The following SULF1 variants were observed in gnomAD, a reference collection of about 807,000 sequenced individuals.
The protein encoded by SULF1 is sulfatase 1.
A neutral mutation model predicts 110.5 loss-of-function variants in SULF1; 46 were observed. That is an observed-to-expected ratio of 0.42 (90% CI 0.33 to 0.53). The LOEUF is 0.53. Ranked by LOEUF, SULF1 falls within the 20% of genes least tolerant of loss-of-function variation. The pLI is 0.12. For synonymous variants in SULF1, 371 were observed against 387.1 expected (o/e 0.96, Z 0.49); for missense variants, 941 against 1,094.2 (o/e 0.86, Z 1.98).
At chr8:69,628,290 G>C in intron 18 of SULF1, 54 bp downstream of exon 18, 1 of 1,500,566 alleles carries the variant, frequency 6.7e-7, no homozygotes, top group African/African-American at 1.4e-5. Context: ...TGTCCACCTG[G>C]CCCTTCGAAG....
At chr8:69,520,643 G>T (rs887011262) in intron 3 of SULF1, among the ~76,000 whole-genome samples, 3 of 152,126 alleles carry the variant, frequency 2.0e-5, no homozygotes, top group Non-Finnish European at 4.4e-5. Flanking sequence ...ATTTCACTGT[G>T]TTTTTTTCCA....
chr8:69,580,222 G>A (rs574267061), intron 6 of SULF1, among the ~76,000 whole-genome samples: 2 of 152,258 alleles, frequency 1.3e-5, no homozygotes, highest in African/African-American at 4.8e-5. Flanking sequence ...GCAGTAACAT[G>A]TCGACTGCAC....
At chr8:69,589,543 G>A (rs1165067368) in intron 8 of SULF1, among the ~76,000 whole-genome samples, 1 of 152,230 alleles carries the variant, frequency 6.6e-6, no homozygotes, top group Admixed American at 6.5e-5. Flanking sequence ...TAGAAACATG[G>A]ATTTATTTTC....
intron 19 of SULF1, among the ~76,000 whole-genome samples, chr8:69,633,527 C>T (rs557310401): frequency 6.6e-6 from 1 of 151,754 alleles, no homozygotes; most frequent in African/African-American, 2.4e-5. Context: ...GACAGGGTTT[C>T]CCCATGTTGG....
chr8:69,532,695 T>G (rs1813169603), intron 3 of SULF1, among the ~76,000 whole-genome samples: 2 of 152,230 alleles, frequency 1.3e-5, no homozygotes, highest in African/African-American at 4.8e-5. Flanking sequence ...AATCAGTTTG[T>G]TTTTTGTTGT....
rs1451235395 is a variant in SULF1, at chr8:69,470,147, C to T, written c.-391+3197C>T. 2.0e-5 allele frequency among the ~76,000 whole-genome samples: 3 copies of T among 152,180 alleles called. No homozygotes were observed. The East Asian group carries it at 5.8e-4, about 29-fold the overall frequency. ...TAGATGAGGCCAACCAAAGAGTCAG[C>T]TCAGGACATCCGGTTTTTTTTCCCC... On this transcript the variant is annotated intron_variant, in intron 1 of 22. Transcript: ENST00000260128.
chr8:69,564,268 A>C, intron 5 of SULF1, 121 bp downstream of exon 5: 1 of 1,169,328 alleles, frequency 8.6e-7, no homozygotes, highest in Non-Finnish European at 1.2e-6. Context: ...CCAACACCCT[A>C]GTTTACGCAA....
upstream of SULF1, among the ~76,000 whole-genome samples, chr8:69,488,387 C>G (rs925564591): frequency 6.6e-6 from 1 of 152,146 alleles, no homozygotes; most frequent in Non-Finnish European, 1.5e-5. Flanking sequence ...TAAGCCATCT[C>G]AGGAAAGAGA....
intron 22 of SULF1, among the ~76,000 whole-genome samples, chr8:69,649,780 T>C (rs1812188857): frequency 6.6e-6 from 1 of 152,114 alleles, no homozygotes; most frequent in African/African-American, 2.4e-5. Context: ...ATCTTGGTGG[T>C]ATTACCTTTG....
intron 3 of SULF1, among the ~76,000 whole-genome samples, chr8:69,546,223 A>G (rs1439073581): frequency 6.6e-6 from 1 of 152,260 alleles, no homozygotes; most frequent in Non-Finnish European, 1.5e-5. Flanking sequence ...ACAGCAAAAA[A>G]ATGAAAATGT....
intron 12 of SULF1, 93 bp from the exon 13 acceptor site, chr8:69,604,710 C>T: frequency 4.0e-6 from 6 of 1,505,498 alleles, no homozygotes; most frequent in South Asian, 3.6e-5. Flanking sequence ...AATGTGGAGT[C>T]ATGTGACAGG....
chr8:69,645,970 G>T (rs1445570780), intron 22 of SULF1, among the ~76,000 whole-genome samples: 1 of 151,954 alleles, frequency 6.6e-6, no homozygotes, highest in Non-Finnish European at 1.5e-5. Context: ...CTAGTCAGTA[G>T]ATCTATAAAA....
intron 3 of SULF1, among the ~76,000 whole-genome samples, chr8:69,526,855 A>AAGGG (rs1812728635): frequency 7.1e-6 from 1 of 140,796 alleles, no homozygotes; most frequent in South Asian, 2.3e-4. Context: ...GGAAGGAAGG[A>AAGGG]AGGAAAGAAG....
Position 69,567,245 on chromosome 8 carries a change from G to A in SULF1, c.172+3098G>A, listed in dbSNP as rs947092032. On this transcript the variant is annotated intron_variant, in intron 5 of 22. Transcript: ENST00000402687. ...TTCTTGGCAGAAAAGTCATGCTCTC[G>A]GTAGTGGTTCCCGCTTGATGGAGAC... 7.2e-5 allele frequency among the ~76,000 whole-genome samples: 11 copies of A among 152,224 alleles called. No homozygotes were observed. In the South Asian group the frequency reaches 1.5e-3, roughly 20 times the overall value.
At chr8:69,549,465 C>CA (rs1333598110) in intron 3 of SULF1, among the ~76,000 whole-genome samples, 2 of 151,640 alleles carry the variant, frequency 1.3e-5, no homozygotes, top group Non-Finnish European at 2.9e-5. Flanking sequence ...AGAAAACAGC[C>CA]ACAAGCAGCC....
Position 69,621,044 on chromosome 8 carries a change from T to G in SULF1, c.1387T>G (p.Cys463Gly). 6.2e-7 allele frequency: 1 copy of G among 1,601,140 alleles called. No individual in the cohort carries two copies. Among genetic ancestry groups the G allele is most frequent in the Non-Finnish European group, 8.5e-7 (1 of 1,169,976 alleles). The change falls in exon 14 of 23, where the codon TGC becomes GGC. Residue 463 changes from cysteine (C) to glycine (G), a missense_variant. Physicochemically the swap from Cys to Gly is radical, Grantham distance 159. Around this residue, in one of 3 missense-constraint regions of SULF1, gnomAD observed 822 missense variants for 934.3 expected, o/e 0.88. Transcript: ENST00000402687. ...ACEQPGQKWQ[C>G]IEDTSGKLRI... Reference sequence around the variant, plus strand: ...ACGTTGGCTTTTGCAGAAGTGGCAATGCATTGAGGATACATCTGGCAAGCT... The same window carrying G: ...ACGTTGGCTTTTGCAGAAGTGGCAAGGCATTGAGGATACATCTGGCAAGCT...
intron 5 of SULF1, among the ~76,000 whole-genome samples, chr8:69,570,644 C>A (rs1805163909): frequency 6.6e-6 from 1 of 152,178 alleles, no homozygotes; most frequent in Non-Finnish European, 1.5e-5. Context: ...CTAGCCACAA[C>A]CTATCACATA....
Position 69,515,063 on chromosome 8 carries a change from G to A in SULF1, c.-134+13095G>A, listed in dbSNP as rs112178608. Reference sequence around the variant, plus strand: ...GGATCTACCATTCTGGGGTCTGGAGGACAGTAGCCATCTTCTCACAGCTCC... The same window carrying A: ...GGATCTACCATTCTGGGGTCTGGAGAACAGTAGCCATCTTCTCACAGCTCC... On this transcript the variant is annotated intron_variant, in intron 3 of 22. Coordinates refer to ENST00000402687, the MANE Select transcript of SULF1 (RefSeq NM_001128205.2). Among the ~76,000 whole-genome samples the A allele has an allele frequency of 9.9e-3, 1,513 of 152,230 alleles. 38 individuals carry two copies. Among genetic ancestry groups the A allele is most frequent in the African/African-American group, 0.033 (1,363 of 41,506 alleles).
intron 5 of SULF1, among the ~76,000 whole-genome samples, chr8:69,573,465 G>A (rs184743181): frequency 2.4e-3 from 359 of 152,234 alleles, no homozygotes; most frequent in Non-Finnish European, 3.2e-3. Context: ...ACAGTGCTGC[G>A]ATTCAGAACC....
Sources: gnomAD v4.1 joint callset for allele counts (sites outside exome capture counted in the v4.1 genomes callset) on GRCh38, gnomAD v4.1.1 for gene constraint, gnomAD v4.1.1 regional missense constraint, MANE v1.5 for transcripts, NCBI Gene and HGNC (gene_info 2026-07-23, HGNC 2026-07-21) for gene names.